VGLL3: variants seen among roughly 807,000 people sequenced by gnomAD.
The protein encoded by VGLL3 is transcription cofactor vestigial-like protein 3.
Under a neutral mutation model 29.2 loss-of-function variants are expected in VGLL3, and 18 were observed. That is an observed-to-expected ratio of 0.62 (90% CI 0.43 to 0.91). The LOEUF (loss-of-function observed/expected upper bound fraction) is 0.91. Ranked by LOEUF, VGLL3 falls within the 40% of genes least tolerant of loss-of-function variation. VGLL3 has a pLI of 0.00. For synonymous variants in VGLL3, 180 were observed against 151.8 expected (o/e 1.19, Z -1.36); for missense variants, 440 against 413.2 (o/e 1.06, Z -0.56).
chr3:86,954,124 G>A (rs1488085094), intron 3 of VGLL3, among the ~76,000 whole-genome samples: 1 of 152,140 alleles, frequency 6.6e-6, no homozygotes, highest in East Asian at 1.9e-4. Context: ...AAATCTCCAC[G>A]TAGTAGTATT....
chr3:86,982,588 C>T (rs930743254), intron 1 of VGLL3, among the ~76,000 whole-genome samples: 5 of 151,962 alleles, frequency 3.3e-5, no homozygotes, highest in African/African-American at 9.7e-5. Context: ...TTCAAAACAT[C>T]GAGACTAAAT....
intron 3 of VGLL3, among the ~76,000 whole-genome samples, chr3:86,953,912 T>C (rs957942955): frequency 1.3e-5 from 2 of 152,176 alleles, no homozygotes; most frequent in African/African-American, 4.8e-5. Flanking sequence ...TTTAAAGTAA[T>C]CACAAATAAG....
chr3:86,967,414 T>G (rs1220687138), intron 3 of VGLL3, among the ~76,000 whole-genome samples: 1 of 152,150 alleles, frequency 6.6e-6, no homozygotes, highest in African/African-American at 2.4e-5. Flanking sequence ...GAAAAGCAGC[T>G]TGAACCCAGT....
Position 86,990,651 on chromosome 3 carries a change from G to T in VGLL3, c.93C>A (p.Ala31=). 7.2e-7 allele frequency: 1 copy of T among 1,392,502 alleles called. No homozygotes were observed. The highest frequency in any genetic ancestry group is 9.4e-7 in the Non-Finnish European group (1 of 1,068,100). The allele number at this position is 1,392,502 out of a possible 1,614,324, so 86.3% of individuals were successfully genotyped here. ...NPMAATTCPT[A]YYQPAPQPGQ... ...CAGGTTGGGGCGCCGGCTGATAGTA[G>T]GCTGTGGGGCAGGTTGTCGCTGCCA... The change falls in exon 1 of 4, where the codon GCC becomes GCA. Residue 31 remains alanine (A), a synonymous_variant. Transcript: ENST00000398399.
intron 2 of VGLL3, among the ~76,000 whole-genome samples, chr3:86,971,572 C>G (rs1457296081): frequency 6.6e-6 from 1 of 152,212 alleles, no homozygotes; most frequent in African/African-American, 2.4e-5. Context: ...AAATCACAAT[C>G]TATCCAAAAA....
intron 1 of VGLL3, 29 bp downstream of exon 1, chr3:86,990,589 C>G (rs752508003): frequency 3.0e-6 from 4 of 1,323,500 alleles, no homozygotes; most frequent in South Asian, 2.9e-5. Context: ...CGCCCCCGCC[C>G]CCAGCAGGCT....
chr3:86,976,613 T>C (rs1203838673), intron 2 of VGLL3, among the ~76,000 whole-genome samples: 1 of 152,260 alleles, frequency 6.6e-6, no homozygotes, highest in Non-Finnish European at 1.5e-5. Flanking sequence ...TGCTACAGTT[T>C]AACATCTGCT....
In VGLL3 at chr3:86,939,832, G is replaced by A. The variant is rs547774034; in HGVS notation, c.*7192C>T. ...GAAGATGGAAGGAAACTAAGCAAAG[G>A]ACTCTAGAAGCAGGGAACAGCAAGA... On this transcript the variant is annotated 3_prime_UTR_variant, in exon 4 of 4. Transcript: ENST00000398399. The A allele has an allele frequency of 9.2e-5, 14 of 152,112 alleles. No homozygotes were observed. Among genetic ancestry groups the A allele is most frequent in the Non-Finnish European group, 1.9e-4 (13 of 68,042 alleles). The allele number at this position is 152,112 out of a possible 1,614,324, so 9.4% of individuals were successfully genotyped here.
At chr3:86,956,475 A>G (rs188646042) in intron 3 of VGLL3, among the ~76,000 whole-genome samples, 38 of 152,284 alleles carry the variant, frequency 2.5e-4, no homozygotes, top group African/African-American at 8.4e-4. Flanking sequence ...GCATTGCCTA[A>G]TCTTGCTTGC....
intron 1 of VGLL3, 22 bp from the exon 2 acceptor site, chr3:86,978,824 A>C: frequency 1.3e-6 from 2 of 1,569,956 alleles, no homozygotes; most frequent in Non-Finnish European, 1.7e-6. Flanking sequence ...TAAACAAAAC[A>C]CAGTATCAAA....
At chr3:86,961,747 G>A (rs1284476221) in intron 3 of VGLL3, among the ~76,000 whole-genome samples, 1 of 152,022 alleles carries the variant, frequency 6.6e-6, no homozygotes, top group Non-Finnish European at 1.5e-5. Flanking sequence ...TGTTAACCTA[G>A]GTTACACGCA....
At chr3:86,959,232 C>A (rs1437354008) in intron 3 of VGLL3, among the ~76,000 whole-genome samples, 1 of 152,124 alleles carries the variant, frequency 6.6e-6, no homozygotes, top group Non-Finnish European at 1.5e-5. Flanking sequence ...ATAGAACTGT[C>A]ATTTTACCTG....
chr3:86,961,947 T>C, intron 3 of VGLL3: 1 of 981,582 alleles, frequency 1.0e-6, no homozygotes, highest in Non-Finnish European at 1.2e-6. Flanking sequence ...TATAAAACAT[T>C]TTATATGCTA....
At chr3:86,953,903 TTAAAG>T (rs926545362) in intron 3 of VGLL3, among the ~76,000 whole-genome samples, 126 of 152,300 alleles carry the variant, frequency 8.3e-4, no homozygotes, top group African/African-American at 2.8e-3. Context: ...ATAATTCTTT[TTAAAG>T]TAATCACAAA....
intron 2 of VGLL3, among the ~76,000 whole-genome samples, chr3:86,972,601 A>G (rs1705126980): frequency 6.6e-6 from 1 of 152,184 alleles, no homozygotes. Flanking sequence ...TTCTTTGCTT[A>G]TGAGTACTTA....
intron 3 of VGLL3, among the ~76,000 whole-genome samples, chr3:86,950,350 C>T (rs938320034): frequency 3.3e-5 from 5 of 152,160 alleles, no homozygotes; most frequent in African/African-American, 9.6e-5. Context: ...ATACTTCATG[C>T]TCCTAATCAT....
Position 86,941,989 on chromosome 3 carries a change from T to A in VGLL3, c.*5035A>T, listed in dbSNP as rs1484542022. 2 of 152,158 alleles carry A rather than the reference T, an allele frequency of 1.3e-5. No homozygotes were observed. Among genetic ancestry groups the A allele is most frequent in the East Asian group, 3.9e-4 (2 of 5,186 alleles). The allele number at this position is 152,158 out of a possible 1,614,324, so 9.4% of individuals were successfully genotyped here. A position where few individuals can be genotyped will look rare whatever the true frequency, so the allele number is the denominator to read the frequency against. On this transcript the variant is annotated 3_prime_UTR_variant, in exon 4 of 4. Transcript: ENST00000398399. ...TTTGTTTTCAACATTCGTTTTTGAA[T>A]GGATGTTGAAAGTTAGGCTAAAATT...
chr3:86,949,512 C>G (rs747912887), intron 3 of VGLL3, among the ~76,000 whole-genome samples: 1 of 151,894 alleles, frequency 6.6e-6, no homozygotes, highest in Non-Finnish European at 1.5e-5. Context: ...AACAAAAAAC[C>G]CTACAAATAA....
chr3:86,990,287 G>C (rs1215835194), intron 1 of VGLL3: 3 of 984,268 alleles, frequency 3.0e-6, no homozygotes, highest in Non-Finnish European at 3.6e-6. Flanking sequence ...TGGTTGAAAG[G>C]AAGTTTACTC....
Sources: gnomAD v4.1 joint callset for allele counts (sites outside exome capture counted in the v4.1 genomes callset) on GRCh38, gnomAD v4.1.1 for gene constraint, MANE v1.5 for transcripts, NCBI Gene and HGNC (gene_info 2026-07-23, HGNC 2026-07-21) for gene names.